The following DLG2 variants were observed in gnomAD, a reference collection of about 807,000 sequenced individuals.
DLG2 encodes the protein discs large MAGUK scaffold protein 2.
In DLG2, 45 loss-of-function variants were observed where a neutral mutation model predicts 132.5. The observed-to-expected ratio is 0.34, with a 90% CI of 0.27 to 0.44. DLG2 has a LOEUF of 0.44. Ranked by LOEUF, DLG2 falls within the 20% of genes least tolerant of loss-of-function variation. DLG2 has a pLI of 1.00. For missense variants in DLG2, 1,045 were observed against 1,196.9 expected, an observed-to-expected ratio of 0.87 and a Z score of 1.87; for synonymous variants, 424 against 419.6, an observed-to-expected ratio of 1.01 and a Z score of -0.13.
chr11:84,218,690 T>C (rs1329062491), intron 8 of DLG2, among the ~76,000 whole-genome samples: 2 of 152,196 alleles, frequency 1.3e-5, no homozygotes, highest in African/African-American at 4.8e-5. Context: ...CAGGAATACA[T>C]ATATTAGACC....
At chr11:84,478,633 TG>T (rs896411338) in intron 7 of DLG2, among the ~76,000 whole-genome samples, 1 of 152,116 alleles carries the variant, frequency 6.6e-6, no homozygotes, top group Admixed American at 6.6e-5. Flanking sequence ...AATCTAATTT[TG>T]ATAACAGAAG....
At chr11:85,576,900 A>G (rs1425223) in intron 3 of DLG2, among the ~76,000 whole-genome samples, 34,672 of 152,046 alleles carry the variant, frequency 0.23, 4,783 homozygotes, top group African/African-American at 0.37. Context: ...AATTGAGCAG[A>G]CACATAAACT....
At chr11:84,708,131 T>A (rs1292934113) in intron 6 of DLG2, among the ~76,000 whole-genome samples, 1 of 151,820 alleles carries the variant, frequency 6.6e-6, no homozygotes, top group Non-Finnish European at 1.5e-5. Context: ...AAAAATATTA[T>A]GGAGAAATGG....
chr11:84,870,054 T>G (rs2085233767), intron 6 of DLG2, among the ~76,000 whole-genome samples: 1 of 152,204 alleles, frequency 6.6e-6, no homozygotes. Context: ...GGATAACCCA[T>G]GAAGCTGAGA....
At chr11:85,340,960 T>C (rs1326988755) in intron 3 of DLG2, among the ~76,000 whole-genome samples, 1 of 152,180 alleles carries the variant, frequency 6.6e-6, no homozygotes, top group Non-Finnish European at 1.5e-5. Flanking sequence ...ATGGATCTAA[T>C]TTTATCTTTT....
intron 6 of DLG2, among the ~76,000 whole-genome samples, chr11:84,795,500 G>A (rs1410840101): frequency 6.6e-6 from 1 of 152,130 alleles, no homozygotes; most frequent in Non-Finnish European, 1.5e-5. Context: ...GCTACCCACT[G>A]CAGGTCTCCT....
At chr11:84,183,300 T>C (rs1440080549) in intron 8 of DLG2, among the ~76,000 whole-genome samples, 1 of 152,218 alleles carries the variant, frequency 6.6e-6, no homozygotes, top group African/African-American at 2.4e-5. Flanking sequence ...CTATGGACTT[T>C]GAGTGATAAT....
In DLG2 at chr11:85,373,368, G is replaced by A. The variant is rs531164302; in HGVS notation, c.41-88003C>T. Among the ~76,000 whole-genome samples the A allele has an allele frequency of 1.3e-3, 197 of 152,214 alleles. 1 individual carries two copies. The highest frequency in any genetic ancestry group is 4.5e-3 in the African/African-American group (186 of 41,534). On this transcript the variant is annotated intron_variant, in intron 3 of 27. Coordinates refer to ENST00000376104, the MANE Select transcript of DLG2 (RefSeq NM_001142699.3). ...CCTCAGATGATGGCCCCTCCTACCAGGAACACTTAGGCTTCTAGGGAAGCT... is the reference window on the plus strand; with the variant it reads ...CCTCAGATGATGGCCCCTCCTACCAAGAACACTTAGGCTTCTAGGGAAGCT...
intron 11 of DLG2, among the ~76,000 whole-genome samples, chr11:83,987,580 A>G (rs2093419163): frequency 6.6e-6 from 1 of 152,160 alleles, no homozygotes; most frequent in South Asian, 2.1e-4. Flanking sequence ...AAACCTGAGA[A>G]AAACAAGCAA....
At chr11:84,029,163 G>C (rs1490100167) in intron 11 of DLG2, among the ~76,000 whole-genome samples, 1 of 151,956 alleles carries the variant, frequency 6.6e-6, no homozygotes, top group Non-Finnish European at 1.5e-5. Context: ...TTAAAAACTA[G>C]AAGCTCAATC....
At chr11:83,634,883 C>T (rs1033317792) in intron 18 of DLG2, among the ~76,000 whole-genome samples, 5 of 152,146 alleles carry the variant, frequency 3.3e-5, no homozygotes, top group African/African-American at 1.2e-4. Flanking sequence ...ATTTCTGGTG[C>T]ATAAGCAAAG....
chr11:84,142,791 G>C (rs2094910389), intron 9 of DLG2, among the ~76,000 whole-genome samples: 1 of 152,108 alleles, frequency 6.6e-6, no homozygotes, highest in African/African-American at 2.4e-5. Flanking sequence ...CCTGCCCCTT[G>C]TTTTCCCCTC....
chr11:85,484,537 C>A (rs556034451), intron 3 of DLG2, among the ~76,000 whole-genome samples: 1,516 of 151,318 alleles, frequency 0.01, 23 homozygotes, highest in African/African-American at 0.033. Context: ...AAAAAGTGGG[C>A]GAAGGACATC....
intron 4 of DLG2, among the ~76,000 whole-genome samples, chr11:85,240,718 A>T (rs1227865676): frequency 1.3e-5 from 2 of 151,746 alleles, no homozygotes; most frequent in East Asian, 3.9e-4. Context: ...TCACACACAT[A>T]AGTTTGTTTT....
chr11:84,761,644 A>G (rs1279711227), intron 6 of DLG2, among the ~76,000 whole-genome samples: 4 of 152,144 alleles, frequency 2.6e-5, no homozygotes, highest in Non-Finnish European at 5.9e-5. Flanking sequence ...ATCAGACTCC[A>G]AGTTCTTCAG....
At position 84,598,170 on chromosome 11, in the gene DLG2, A is replaced by G. The variant is rs536780560; in HGVS notation, c.358-63439T>C. ...ACTGGGCCTCACTGCCCCAAGAGAG[A>G]TTATTTCATCCACTCTCATTTTACT... On this transcript the variant is annotated intron_variant, in intron 6 of 27. Transcript: ENST00000376104. 1.1e-4 allele frequency among the ~76,000 whole-genome samples: 16 copies of G among 152,270 alleles called. No homozygotes were observed. In the South Asian group the frequency reaches 2.9e-3, roughly 28 times the overall value.
rs569235088 is a variant in DLG2, at chr11:84,439,766, T to G, written c.519+94804A>C. On this transcript the variant is annotated intron_variant, in intron 7 of 27. Coordinates refer to ENST00000376104, the MANE Select transcript of DLG2 (RefSeq NM_001142699.3). ...CCAAGCCATGTTGTAGTTAAAAGTG[T>G]ATTCAACTAAAAGACTAAAGTAGAT... Among the ~76,000 whole-genome samples the G allele has an allele frequency of 1.2e-3, 176 of 152,322 alleles. 2 individuals carry two copies. Among genetic ancestry groups the G allele is most frequent in the African/African-American group, 3.9e-3 (161 of 41,566 alleles).
intron 7 of DLG2, among the ~76,000 whole-genome samples, chr11:84,403,386 C>T (rs1207513709): frequency 6.6e-6 from 1 of 152,164 alleles, no homozygotes; most frequent in Non-Finnish European, 1.5e-5. Context: ...CCCAGTTTCC[C>T]TGACAGCCAA....
chr11:83,866,747 G>A lies in DLG2; in HGVS notation c.1565+7673C>T, dbSNP rs558361064. 1.2e-3 allele frequency among the ~76,000 whole-genome samples: 176 copies of A among 152,224 alleles called. 1 individual carries two copies. The highest frequency in any genetic ancestry group is 4.1e-3 in the African/African-American group (171 of 41,560). On this transcript the variant is annotated intron_variant, in intron 16 of 27. Coordinates refer to ENST00000376104, the MANE Select transcript of DLG2 (RefSeq NM_001142699.3). The stretch of plus-strand genomic sequence containing the variant: ...CTCAACTATGTCCAGAAAATAGGGA[G>A]TATTTAAAAAATAAACATCTCTAAC...
Sources: gnomAD v4.1 joint callset for allele counts (sites outside exome capture counted in the v4.1 genomes callset) on GRCh38, gnomAD v4.1.1 for gene constraint, MANE v1.5 for transcripts, NCBI Gene and HGNC (gene_info 2026-07-23, HGNC 2026-07-21) for gene names.